SPAG1: variants seen among roughly 807,000 people sequenced by gnomAD.
SPAG1 encodes sperm associated antigen 1.
A neutral mutation model predicts 100.5 loss-of-function variants in SPAG1; 69 were observed. That is an observed-to-expected ratio of 0.69 (90% CI 0.57 to 0.84). The LOEUF (loss-of-function observed/expected upper bound fraction) is 0.84, where lower values mean the gene tolerates loss of function less well. Among genes scored for constraint, SPAG1 ranks in the 40% least tolerant of loss-of-function variants. The pLI is 0.00. For missense variants in SPAG1, 955 were observed against 1,133.1 expected (o/e 0.84, Z 2.26); for synonymous variants, 336 against 411.6 (o/e 0.82, Z 2.22).
chr8:100,222,313 G>A (rs1234256374), intron 13 of SPAG1, among the ~76,000 whole-genome samples: 1 of 152,066 alleles, frequency 6.6e-6, no homozygotes, highest in Non-Finnish European at 1.5e-5. Flanking sequence ...TTGTTTTCAC[G>A]TTTGCTGTCT....
At chr8:100,160,004 C>T (rs1815235139) in intron 1 of SPAG1, among the ~76,000 whole-genome samples, 1 of 152,134 alleles carries the variant, frequency 6.6e-6, no homozygotes, top group African/African-American at 2.4e-5. Context: ...ACTGTTATTA[C>T]TAATGTCACT....
At chr8:100,213,555 C>T (rs370903376) in intron 11 of SPAG1, 127 bp downstream of exon 11, 5 of 810,198 alleles carry the variant, frequency 6.2e-6, no homozygotes, top group East Asian at 3.4e-5. Flanking sequence ...GCATTCCTCC[C>T]AGGTGACTAA....
chr8:100,158,804 G>C (rs766016738), intron 1 of SPAG1, 188 bp downstream of exon 1: 1 of 151,898 alleles, frequency 6.6e-6, no homozygotes, highest in Non-Finnish European at 1.5e-5. Flanking sequence ...GTCTTGAGAA[G>C]GTGTATCCTA....
intron 3 of SPAG1, among the ~76,000 whole-genome samples, chr8:100,175,535 C>A (rs896595200): frequency 6.6e-6 from 1 of 152,104 alleles, no homozygotes; most frequent in African/African-American, 2.4e-5. Context: ...ATCCGTCTGC[C>A]TCAGCTTCCA....
chr8:100,218,055 T>C (rs1818089791), intron 12 of SPAG1, among the ~76,000 whole-genome samples: 1 of 152,208 alleles, frequency 6.6e-6, no homozygotes, highest in South Asian at 2.1e-4. Flanking sequence ...CCCAAAGTTC[T>C]GGGATTACAT....
chr8:100,203,927 A>T (rs1360263120), intron 10 of SPAG1, among the ~76,000 whole-genome samples: 1 of 152,214 alleles, frequency 6.6e-6, no homozygotes, highest in Non-Finnish European at 1.5e-5. Context: ...CGTTAAAATA[A>T]GGGCATTGAT....
chr8:100,239,190 T>G lies in SPAG1; in HGVS notation c.2116-50T>G. 1 of 1,261,456 alleles carries G rather than the reference T, an allele frequency of 7.9e-7. No homozygotes were observed. Among genetic ancestry groups the G allele is most frequent in the Non-Finnish European group, 1.1e-6 (1 of 911,806 alleles). 78.1% of individuals were successfully genotyped at this position (1,261,456 alleles called of 1,614,324 possible). ...CACCCCACTCCCACTCAGGTTACTCTAGGCTCCTTCTATTTATGAAAGTTA... is the reference window on the plus strand; with the variant it reads ...CACCCCACTCCCACTCAGGTTACTCGAGGCTCCTTCTATTTATGAAAGTTA... On this transcript the variant is annotated intron_variant, in intron 16 of 18. Coordinates refer to ENST00000388798, the MANE Select transcript of SPAG1 (RefSeq NM_003114.5). This position sits in a 1 kb window ranked among gnomAD's most constrained non-coding sequence, Gnocchi z 5.0.
intron 10 of SPAG1, among the ~76,000 whole-genome samples, chr8:100,195,279 T>A (rs1430842566): frequency 6.6e-6 from 1 of 152,218 alleles, no homozygotes; most frequent in African/African-American, 2.4e-5. Context: ...TGAAAATCAT[T>A]CACAAGTAAA....
intron 2 of SPAG1, among the ~76,000 whole-genome samples, chr8:100,164,807 C>T (rs1441461152): frequency 6.6e-6 from 1 of 152,228 alleles, no homozygotes; most frequent in Non-Finnish European, 1.5e-5. Context: ...AAAAATCAAA[C>T]TATGAGTCTG....
intron 3 of SPAG1, among the ~76,000 whole-genome samples, chr8:100,176,231 C>T (rs926973135): frequency 1.3e-5 from 2 of 152,176 alleles, no homozygotes; most frequent in African/African-American, 2.4e-5. Context: ...AAAATTCAAA[C>T]CATCCTTTGC....
intron 4 of SPAG1, among the ~76,000 whole-genome samples, chr8:100,178,327 A>G (rs1380434170): frequency 6.6e-6 from 1 of 152,174 alleles, no homozygotes; most frequent in Non-Finnish European, 1.5e-5. Context: ...ATCATGTTAC[A>G]TAATTTAATT....
intron 4 of SPAG1, among the ~76,000 whole-genome samples, chr8:100,178,324 T>G (rs1816220298): frequency 6.6e-6 from 1 of 152,098 alleles, no homozygotes; most frequent in African/African-American, 2.4e-5. Flanking sequence ...TATATCATGT[T>G]ACATAATTTA....
At chr8:100,162,678 T>C (rs952808815) in intron 2 of SPAG1, among the ~76,000 whole-genome samples, 2 of 152,296 alleles carry the variant, frequency 1.3e-5, no homozygotes, top group East Asian at 3.9e-4. Flanking sequence ...GTAAAGTAGC[T>C]GTGAAAGCAG....
intron 16 of SPAG1, among the ~76,000 whole-genome samples, chr8:100,237,346 G>C (rs191822630): frequency 6.4e-4 from 97 of 152,266 alleles, no homozygotes; most frequent in African/African-American, 2.3e-3. Flanking sequence ...CTCCCAAAGT[G>C]CTGGGACACA....
chr8:100,237,424 G>A (rs1271472379), intron 16 of SPAG1, among the ~76,000 whole-genome samples: 1 of 152,124 alleles, frequency 6.6e-6, no homozygotes, highest in Non-Finnish European at 1.5e-5. Context: ...TGACTTCTCT[G>A]ACACCTGTAA....
chr8:100,201,554 T>C (rs1218040075), intron 10 of SPAG1, among the ~76,000 whole-genome samples: 1 of 152,238 alleles, frequency 6.6e-6, no homozygotes, highest in Non-Finnish European at 1.5e-5. Flanking sequence ...TGTGTGTGTA[T>C]ATCCATATAT....
intron 3 of SPAG1, among the ~76,000 whole-genome samples, chr8:100,175,740 C>A (rs1816086808): frequency 6.6e-6 from 1 of 152,124 alleles, no homozygotes; most frequent in Non-Finnish European, 1.5e-5. Context: ...ATCAGAAGAA[C>A]TTTAAAAGGC....
intron 3 of SPAG1, among the ~76,000 whole-genome samples, chr8:100,173,933 A>C (rs892235098): frequency 1.3e-4 from 20 of 152,228 alleles, no homozygotes; most frequent in African/African-American, 4.3e-4. Flanking sequence ...AAAATGGTTA[A>C]GATGGCCAAT....
At chr8:100,218,513 G>A (rs1818115080) in intron 12 of SPAG1, among the ~76,000 whole-genome samples, 2 of 152,196 alleles carry the variant, frequency 1.3e-5, no homozygotes, top group East Asian at 1.9e-4. Flanking sequence ...TAAGGCAGTG[G>A]TACAGGTGAC....
Sources: gnomAD v4.1 joint callset for allele counts (sites outside exome capture counted in the v4.1 genomes callset) on GRCh38, gnomAD v4.1.1 for gene constraint, Gnocchi (gnomAD v3.1) non-coding constraint, MANE v1.5 for transcripts, NCBI Gene and HGNC (gene_info 2026-07-23, HGNC 2026-07-21) for gene names.